CRIM1: variants seen among roughly 807,000 people sequenced by gnomAD.
The protein encoded by CRIM1 is cysteine-rich motor neuron 1 protein.
CRIM1 carries 32 observed loss-of-function variants against 116.4 expected under a neutral mutation model. The ratio of observed to expected loss-of-function variants is 0.27; its 90% confidence interval spans 0.21 to 0.37. The LOEUF is 0.37. CRIM1 is among the 10% of genes least tolerant of loss of function. The probability of loss-of-function intolerance (pLI) is 1.00; values close to 1 mark genes in which losing one functional copy is unlikely to be tolerated. For synonymous variants in CRIM1, 590 were observed against 509.2 expected (o/e 1.16, Z -2.13); for missense variants, 1,331 against 1,354.8 (o/e 0.98, Z 0.28).
In CRIM1 at chr2:36,548,376, G is replaced by C. The variant is rs180887994; in HGVS notation, c.2935-149G>C. Reference sequence around the variant, plus strand: ...CCTCATAAAAGTATAGTTGGTACTAGAACAAGATGTGATAATCTGCATACA... The same window carrying C: ...CCTCATAAAAGTATAGTTGGTACTACAACAAGATGTGATAATCTGCATACA... On this transcript the variant is annotated intron_variant, in intron 16 of 16. Coordinates refer to ENST00000280527, the MANE Select transcript of CRIM1 (RefSeq NM_016441.3). The C allele has an allele frequency of 8.8e-5, 37 of 422,182 alleles. No homozygotes were observed. In the Admixed American group the frequency reaches 1.5e-3, roughly 17 times the overall value. 26.2% of individuals were successfully genotyped at this position (422,182 alleles called of 1,614,324 possible).
rs528553940 is a variant in CRIM1 at position 36,468,204 on chromosome 2, C to G, written c.991+3549C>G. Among the ~76,000 whole-genome samples the G allele has an allele frequency of 3.9e-5, 6 of 152,292 alleles. No individual in the cohort carries two copies. The South Asian group carries it at 1.2e-3, about 32-fold the overall frequency. On this transcript the variant is annotated intron_variant, in intron 5 of 16. Coordinates refer to ENST00000280527, the MANE Select transcript of CRIM1 (RefSeq NM_016441.3). ...GGATTATGCACTGCCGCACTCACTTCCTATGCTGCCATCCATGTGATCCAT... is the reference window on the plus strand; with the variant it reads ...GGATTATGCACTGCCGCACTCACTTGCTATGCTGCCATCCATGTGATCCAT...
intron 8 of CRIM1, among the ~76,000 whole-genome samples, chr2:36,508,413 A>G (rs555537186): frequency 1.3e-5 from 2 of 152,310 alleles, no homozygotes; most frequent in South Asian, 4.1e-4. Flanking sequence ...ATTTTAGATT[A>G]TAATATAAGT....
At chr2:36,474,867 G>A (rs1214323495) in intron 5 of CRIM1, among the ~76,000 whole-genome samples, 585 of 64,394 alleles carry the variant, frequency 9.1e-3, no homozygotes, top group East Asian at 0.025. Context: ...AAAAAAAAAA[G>A]ACTTTGAACC....
intron 2 of CRIM1, among the ~76,000 whole-genome samples, chr2:36,401,760 A>G (rs1342701908): frequency 6.6e-6 from 1 of 152,364 alleles, no homozygotes; most frequent in Non-Finnish European, 1.5e-5. Flanking sequence ...TTAATCAGAA[A>G]TGTGAAACCA....
intron 13 of CRIM1, among the ~76,000 whole-genome samples, chr2:36,532,657 C>T (rs1666195586): frequency 6.6e-6 from 1 of 152,186 alleles, no homozygotes; most frequent in Non-Finnish European, 1.5e-5. Flanking sequence ...GGTTATCCGG[C>T]TTGGCACACA....
chr2:36,530,262 G>C (rs755577630), intron 13 of CRIM1, among the ~76,000 whole-genome samples: 2 of 152,104 alleles, frequency 1.3e-5, no homozygotes, highest in African/African-American at 2.4e-5. Flanking sequence ...GTAAAGGCCT[G>C]GTGAGTCAGC....
intron 1 of CRIM1, among the ~76,000 whole-genome samples, chr2:36,393,113 C>G (rs946429333): frequency 6.6e-6 from 1 of 152,156 alleles, no homozygotes; most frequent in Non-Finnish European, 1.5e-5. Context: ...GCAGTGAAAA[C>G]CAATTAGCTG....
chr2:36,513,826 T>G, intron 11 of CRIM1, 61 bp downstream of exon 11: 562 of 1,331,332 alleles, frequency 4.2e-4, no homozygotes, highest in Non-Finnish European at 5.5e-4. Flanking sequence ...TGCAGGGCCC[T>G]AGACACATTT....
At chr2:36,450,427 C>A (rs75924432) in intron 4 of CRIM1, among the ~76,000 whole-genome samples, 3 of 152,194 alleles carry the variant, frequency 2.0e-5, no homozygotes, top group Non-Finnish European at 2.9e-5. Context: ...TACATTTAAT[C>A]GTGCATACAC....
rs370520465 is a variant in CRIM1, at chr2:36,475,783, C to G, written c.992-1106C>G. Reference sequence around the variant, plus strand: ...TTCCTAGTTGGTTGAGCATTTTTATCATGAAAGAATATTAGATTCTGTCAG... The same window carrying G: ...TTCCTAGTTGGTTGAGCATTTTTATGATGAAAGAATATTAGATTCTGTCAG... On this transcript the variant is annotated intron_variant, in intron 5 of 16. Coordinates refer to ENST00000280527, the MANE Select transcript of CRIM1 (RefSeq NM_016441.3). 2.0e-4 allele frequency among the ~76,000 whole-genome samples: 30 copies of G among 152,278 alleles called. No individual in the cohort carries two copies. The East Asian group carries it at 5.0e-3, about 25-fold the overall frequency.
At chr2:36,502,291 C>G (rs574264853) in intron 8 of CRIM1, among the ~76,000 whole-genome samples, 12 of 152,226 alleles carry the variant, frequency 7.9e-5, no homozygotes, top group African/African-American at 2.9e-4. Context: ...TAGTCACTGG[C>G]AAATAGTCAT....
At chr2:36,496,041 C>T (rs1019646254) in intron 7 of CRIM1, among the ~76,000 whole-genome samples, 4 of 152,064 alleles carry the variant, frequency 2.6e-5, no homozygotes, top group African/African-American at 4.8e-5. Context: ...AATTGAAATG[C>T]CAGGAGACAA....
At chr2:36,364,437 C>G (rs569866576) in intron 1 of CRIM1, among the ~76,000 whole-genome samples, 133 of 152,300 alleles carry the variant, frequency 8.7e-4, no homozygotes, top group Middle Eastern at 3.4e-3. Context: ...GCAGACAATT[C>G]ATTACAATCA....
Position 36,537,391 on chromosome 2 carries a change from G to A in CRIM1, c.2468G>A (p.Gly823Glu). 6.2e-7 allele frequency: 1 copy of A among 1,614,210 alleles called. No homozygotes were observed. The highest frequency in any genetic ancestry group is 8.5e-7 in the Non-Finnish European group (1 of 1,180,042). Residue 823 changes from glycine to glutamate, a missense_variant, in exon 14 of 17, where the codon GGG becomes GAG. Coordinates refer to ENST00000280527, the MANE Select transcript of CRIM1 (RefSeq NM_016441.3). ...IPKKVVCHFS[G>E]KAYADEERWD... ...AAGAAGGTGGTGTGCCACTTCAGTG[G>A]GAAGGCCTATGCCGACGAGGAGCGG...
chr2:36,538,948 A>C (rs1010258887), intron 14 of CRIM1, among the ~76,000 whole-genome samples: 1 of 152,236 alleles, frequency 6.6e-6, no homozygotes, highest in African/African-American at 2.4e-5. Flanking sequence ...TATTTATTTC[A>C]CGAAGAGTCA....
intron 8 of CRIM1, among the ~76,000 whole-genome samples, chr2:36,504,400 T>C (rs1398954499): frequency 1.3e-5 from 2 of 152,234 alleles, no homozygotes; most frequent in Non-Finnish European, 2.9e-5. Flanking sequence ...TAATCTAGCA[T>C]ATTTTAGGCA....
chr2:36,365,405 A>G (rs1199975696), intron 1 of CRIM1, among the ~76,000 whole-genome samples: 2 of 152,236 alleles, frequency 1.3e-5, no homozygotes, highest in Non-Finnish European at 2.9e-5. Context: ...TAGCCAGGCC[A>G]GGTTGATATA....
chr2:36,378,094 T>C (rs1670455272), intron 1 of CRIM1, among the ~76,000 whole-genome samples: 1 of 152,192 alleles, frequency 6.6e-6, no homozygotes. Context: ...TTTCTAAACT[T>C]AGGGGCTTAC....
intron 9 of CRIM1, 81 bp from the exon 10 acceptor site, chr2:36,512,192 T>G: frequency 1.3e-6 from 2 of 1,505,264 alleles, no homozygotes; most frequent in Non-Finnish European, 1.8e-6. Flanking sequence ...AATATCACTT[T>G]ATTGACCCTT....
Sources: gnomAD v4.1 joint callset for allele counts (sites outside exome capture counted in the v4.1 genomes callset) on GRCh38, gnomAD v4.1.1 for gene constraint, MANE v1.5 for transcripts, NCBI Gene and HGNC (gene_info 2026-07-23, HGNC 2026-07-21) for gene names.